Variants in NEK11 observed in about 807,000 individuals in gnomAD.
NEK11 encodes the protein NIMA related kinase 11, also known as serine/threonine-protein kinase Nek11.
NEK11 carries 72 observed loss-of-function variants against 80.7 expected under a neutral mutation model. The observed-to-expected ratio is 0.89, with a 90% CI of 0.74 to 1.08. The LOEUF is 1.08. Ranked by LOEUF, NEK11 falls within the 50% of genes least tolerant of loss-of-function variation. The pLI is 0.00. For missense variants in NEK11, 764 were observed against 763.6 expected (o/e 1.00, Z -0.01); for synonymous variants, 251 against 260.7 (o/e 0.96, Z 0.36).
chr3:131,321,473 A>G (rs181132577), intron 17 of NEK11, among the ~76,000 whole-genome samples: 84 of 152,322 alleles, frequency 5.5e-4, no homozygotes, highest in African/African-American at 1.9e-3. Flanking sequence ...TCTCAAAAGC[A>G]ATTCCAACAC....
intron 1 of NEK11, 30 bp from the exon 2 acceptor site, chr3:131,027,900 T>A (rs1301101349): frequency 1.3e-5 from 2 of 152,190 alleles, no homozygotes; most frequent in African/African-American, 4.8e-5. Flanking sequence ...TCTCATTCTG[T>A]CCGTCCCTAA....
Position 131,349,760 on chromosome 3 carries a change from T to C in NEK11, c.1922T>C (p.Leu641Pro), listed in dbSNP as rs566011714. 422 of 1,613,280 alleles carry C rather than the reference T, an allele frequency of 2.6e-4. 11 individuals carry two copies. The South Asian group carries it at 4.5e-3, about 17-fold the overall frequency. Residue 641 changes from leucine to proline, a missense_variant, in exon 18 of 18, where the codon CTC (leucine) becomes CCC (proline). Physicochemically the swap from Leu to Pro is moderately conservative, Grantham distance 98. Coordinates refer to ENST00000383366, the MANE Select transcript of NEK11 (RefSeq NM_024800.5). ...LLITMGKEPT[L>P]QNHL Reference sequence around the variant, plus strand: ...ATCACGATGGGAAAAGAACCTACTCTCCAGAACCATCTCTAGGCAACTATC... The same window carrying C: ...ATCACGATGGGAAAAGAACCTACTCCCCAGAACCATCTCTAGGCAACTATC...
At chr3:131,229,527 T>C (rs2107808056) in intron 15 of NEK11, among the ~76,000 whole-genome samples, 2 of 152,136 alleles carry the variant, frequency 1.3e-5, no homozygotes, top group Admixed American at 1.3e-4. Flanking sequence ...AAGACTCAGC[T>C]AGAGGAGATG....
intron 17 of NEK11, among the ~76,000 whole-genome samples, chr3:131,310,473 AT>A: frequency 6.6e-6 from 1 of 152,336 alleles, no homozygotes; most frequent in South Asian, 2.1e-4. Context: ...GATGCGAGAT[AT>A]TTTGTAGACA....
chr3:131,079,896 G>T (rs1283360257), intron 3 of NEK11, among the ~76,000 whole-genome samples: 1 of 152,128 alleles, frequency 6.6e-6, no homozygotes, highest in African/African-American at 2.4e-5. Flanking sequence ...GCCTGTGAGT[G>T]TGTGTAAATA....
chr3:131,134,919 CT>C (rs1314353885), intron 7 of NEK11, among the ~76,000 whole-genome samples: 2 of 152,120 alleles, frequency 1.3e-5, no homozygotes, highest in East Asian at 1.9e-4. Flanking sequence ...TTATTATATA[CT>C]TTTCTGCTTG....
At chr3:131,333,289 C>A (rs1453525135) in intron 17 of NEK11, among the ~76,000 whole-genome samples, 13 of 151,996 alleles carry the variant, frequency 8.6e-5, no homozygotes. Flanking sequence ...CTCTACAAGC[C>A]AGAAGAGAGT....
intron 16 of NEK11, among the ~76,000 whole-genome samples, chr3:131,258,835 A>G (rs1259736736): frequency 1.3e-5 from 2 of 152,156 alleles, no homozygotes; most frequent in Non-Finnish European, 2.9e-5. Context: ...TGCTTTTCCC[A>G]AGTTGATCCA....
At chr3:131,111,192 CT>C (rs2080078126) in intron 5 of NEK11, among the ~76,000 whole-genome samples, 1 of 152,032 alleles carries the variant, frequency 6.6e-6, no homozygotes, top group Non-Finnish European at 1.5e-5. Context: ...TTTTTGATAC[CT>C]TTAAGACTGC....
At chr3:131,069,721 G>T (rs566480966) in intron 3 of NEK11, among the ~76,000 whole-genome samples, 146 of 151,096 alleles carry the variant, frequency 9.7e-4, no homozygotes, top group African/African-American at 2.3e-3. Context: ...GTAAACTATC[G>T]CAAGAACAAA....
chr3:131,333,280 T>C (rs202076440), intron 17 of NEK11, among the ~76,000 whole-genome samples: 21,935 of 151,570 alleles, frequency 0.14, 1,988 homozygotes, highest in Admixed American at 0.21. Flanking sequence ...CGGCAGAAAC[T>C]CTACAAGCCA....
At chr3:131,125,540 C>T (rs2083173127) in intron 5 of NEK11, among the ~76,000 whole-genome samples, 1 of 151,962 alleles carries the variant, frequency 6.6e-6, no homozygotes, top group African/African-American at 2.4e-5. Context: ...AGTAAAGTGA[C>T]AGTGGTTAGG....
At chr3:131,247,859 A>G (rs1328152505) in intron 16 of NEK11, among the ~76,000 whole-genome samples, 1 of 137,890 alleles carries the variant, frequency 7.3e-6, no homozygotes, top group African/African-American at 2.7e-5. Flanking sequence ...TTTTGTAGCT[A>G]TTGTAAATGG....
At chr3:131,300,232 T>C (rs1027859941) in intron 17 of NEK11, among the ~76,000 whole-genome samples, 1 of 152,134 alleles carries the variant, frequency 6.6e-6, no homozygotes, top group Non-Finnish European at 1.5e-5. Flanking sequence ...GGGTTGTTGG[T>C]TTTTTGCTTG....
At chr3:131,044,932 G>T (rs899483489) in intron 3 of NEK11, among the ~76,000 whole-genome samples, 4 of 152,058 alleles carry the variant, frequency 2.6e-5, no homozygotes, top group Admixed American at 1.3e-4. Context: ...CTCTTAGACC[G>T]CAGTGCAATC....
At chr3:131,041,137 AG>A (rs1314914401) in intron 3 of NEK11, among the ~76,000 whole-genome samples, 2 of 152,226 alleles carry the variant, frequency 1.3e-5, no homozygotes, top group Non-Finnish European at 1.5e-5. Flanking sequence ...TTTGGTGATC[AG>A]CTGCTTTTAA....
chr3:131,057,236 C>CAT (rs2069726152), intron 3 of NEK11, among the ~76,000 whole-genome samples: 1 of 151,722 alleles, frequency 6.6e-6, no homozygotes, highest in South Asian at 2.1e-4. Context: ...TTTATGGCTG[C>CAT]ATAGTATTCC....
intron 14 of NEK11, among the ~76,000 whole-genome samples, chr3:131,223,731 T>TG (rs2095102882): frequency 2.0e-5 from 3 of 151,978 alleles, no homozygotes; most frequent in Non-Finnish European, 2.9e-5. Context: ...CTTGCAGAGG[T>TG]TTCTTCTGAG....
At chr3:131,141,668 A>G (rs555795323) in intron 7 of NEK11, among the ~76,000 whole-genome samples, 1 of 152,302 alleles carries the variant, frequency 6.6e-6, no homozygotes, top group African/African-American at 2.4e-5. Flanking sequence ...TATACTGGGA[A>G]TTTAAAAATA....
Sources: allele counts gnomAD v4.1 joint callset (sites outside exome capture counted in the v4.1 genomes callset), GRCh38; gene constraint gnomAD v4.1.1; transcripts MANE v1.5; gene names NCBI Gene and HGNC (gene_info 2026-07-23, HGNC 2026-07-21).